The following TBC1D9 variants were observed in gnomAD, a reference collection of about 807,000 sequenced individuals.
TBC1D9 encodes the protein TBC1 domain family member 9.
A neutral mutation model predicts 132.0 loss-of-function variants in TBC1D9; 63 were observed. The ratio of observed to expected loss-of-function variants is 0.48; its 90% CI spans 0.39 to 0.59. The LOEUF is 0.59. TBC1D9 is among the 20% of genes least tolerant of loss of function. The pLI is 0.00. For missense variants in TBC1D9, 1,261 were observed against 1,592.7 expected (o/e 0.79, Z 3.54); for synonymous variants, 610 against 609.9 (o/e 1.00, Z 0.00).
At chr4:140,642,375 G>C (rs1560870384) in intron 13 of TBC1D9, 1 of 836,996 alleles carries the variant, frequency 1.2e-6, no homozygotes, top group African/African-American at 1.7e-5. Flanking sequence ...ACCTTCTCTG[G>C]AAGATTTCAG....
At chr4:140,657,848 G>GC in intron 11 of TBC1D9, 36 bp from the exon 12 acceptor site, 1 of 1,584,910 alleles carries the variant, frequency 6.3e-7, no homozygotes, top group South Asian at 1.2e-5. Context: ...GCGCAGCTTA[G>GC]CCAACTACAC....
intron 16 of TBC1D9, among the ~76,000 whole-genome samples, chr4:140,632,123 T>C (rs1159214613): frequency 1.3e-5 from 2 of 152,216 alleles, no homozygotes; most frequent in Non-Finnish European, 2.9e-5. Context: ...AAGACTCTTT[T>C]TCCTTCTTGA....
intron 1 of TBC1D9, among the ~76,000 whole-genome samples, chr4:140,712,449 A>AATATATATATATATAT (rs10530134): frequency 0.011 from 1,177 of 102,642 alleles, 99 homozygotes; most frequent in East Asian, 0.041. Context: ...AAAAAAAAAG[A>AATATATATATATATAT]ATATATATAT....
intron 2 of TBC1D9, 22 bp from the exon 3 acceptor site, chr4:140,686,484 T>C (rs1387069085): frequency 9.8e-6 from 14 of 1,426,848 alleles, no homozygotes; most frequent in Non-Finnish European, 1.4e-5. Flanking sequence ...AAAATAATAA[T>C]TCATGTCAGA....
intron 1 of TBC1D9, among the ~76,000 whole-genome samples, chr4:140,713,888 T>C (rs948399196): frequency 1.3e-5 from 2 of 152,194 alleles, no homozygotes; most frequent in Admixed American, 6.5e-5. Flanking sequence ...GCAAAAGTAA[T>C]TGCAGTTTTT....
rs190975043 is a variant in TBC1D9 at position 140,659,880 on chromosome 4, C to T, written c.1804-175G>A. On this transcript the variant is annotated intron_variant, in intron 10 of 20. Coordinates refer to ENST00000442267, the MANE Select transcript of TBC1D9 (RefSeq NM_015130.3). ...CACATAGTCTCTGTCATATATTCTT[C>T]TGAGTTTTGTTTTATGACCCTGTAA... Among the ~76,000 whole-genome samples, 355 of 152,316 alleles carry T rather than the reference C, an allele frequency of 2.3e-3. 1 individual carries two copies. The highest frequency in any genetic ancestry group is 8.4e-3 in the African/African-American group (350 of 41,566).
chr4:140,715,588 C>T (rs549849340), intron 1 of TBC1D9, among the ~76,000 whole-genome samples: 30 of 152,318 alleles, frequency 2.0e-4, no homozygotes, highest in Non-Finnish European at 3.7e-4. Flanking sequence ...TAAGAAGGTG[C>T]AAAGGCATTA....
At chr4:140,751,494 T>G (rs6834033) in intron 1 of TBC1D9, among the ~76,000 whole-genome samples, 118,312 of 152,092 alleles carry the variant, frequency 0.78, 46,876 homozygotes, top group East Asian at 0.94. Flanking sequence ...CTAGAATATA[T>G]AAGAATGTCT....
chr4:140,655,049 A>G (rs986734990), intron 13 of TBC1D9, among the ~76,000 whole-genome samples: 1 of 152,132 alleles, frequency 6.6e-6, no homozygotes, highest in Non-Finnish European at 1.5e-5. Context: ...AATATTTAAT[A>G]TATTAGGGAA....
At chr4:140,741,792 A>G (rs1738762132) in intron 1 of TBC1D9, among the ~76,000 whole-genome samples, 1 of 152,228 alleles carries the variant, frequency 6.6e-6, no homozygotes, top group African/African-American at 2.4e-5. Context: ...CTTCATCTAC[A>G]TAATAAAAAT....
At chr4:140,659,394 C>T (rs542201108) in intron 11 of TBC1D9, 194 bp downstream of exon 11, 18 of 467,164 alleles carry the variant, frequency 3.9e-5, no homozygotes, top group Admixed American at 2.8e-4. Flanking sequence ...TGTGTATAGT[C>T]CCTTAAACTC....
At chr4:140,730,042 G>A (rs1004958852) in intron 1 of TBC1D9, among the ~76,000 whole-genome samples, 10 of 152,036 alleles carry the variant, frequency 6.6e-5, no homozygotes, top group Admixed American at 2.6e-4. Flanking sequence ...GCCTTCCCCC[G>A]TATAGACTCC....
chr4:140,658,549 A>G (rs928065887), intron 11 of TBC1D9, among the ~76,000 whole-genome samples: 1 of 152,078 alleles, frequency 6.6e-6, no homozygotes, highest in African/African-American at 2.4e-5. Flanking sequence ...AAAAAAAATA[A>G]TAATAATCCC....
chr4:140,728,811 C>T (rs562937188), intron 1 of TBC1D9, among the ~76,000 whole-genome samples: 6 of 152,174 alleles, frequency 3.9e-5, no homozygotes, highest in Admixed American at 2.6e-4. Context: ...TACAGGTGTG[C>T]GCCACCCACA....
chr4:140,642,774 A>G (rs1164723548), intron 13 of TBC1D9: 14 of 637,742 alleles, frequency 2.2e-5, no homozygotes, highest in Non-Finnish European at 3.9e-5. Flanking sequence ...GTCGGCAGAG[A>G]TTTGCTGCTC....
Position 140,671,019 on chromosome 4 carries a change from A to C in TBC1D9, c.1060-93T>G, listed in dbSNP as rs1391075291. 3.8e-6 allele frequency: 4 copies of C among 1,050,020 alleles called. No homozygotes were observed. In the East Asian group the frequency reaches 9.5e-5, roughly 25 times the overall value. The allele number at this position is 1,050,020 out of a possible 1,614,324, so 65.0% of individuals were successfully genotyped here. A position where few individuals can be genotyped will look rare whatever the true frequency, so the allele number is the denominator to read the frequency against. On this transcript the variant is annotated intron_variant, in intron 6 of 20. Coordinates refer to ENST00000442267, the MANE Select transcript of TBC1D9 (RefSeq NM_015130.3). ...ACTAAAGGAGGAAGGCGGCACTTTC[A>C]TTATTCTATAGGAACCACCTATATT...
rs576462480 is a variant in TBC1D9, at chr4:140,715,247, G to A, written c.131-13633C>T. ...AAGGAAGGAGAGTATAATGAGGCAT[G>A]TCTGACCCCCCTTTCTCATCACGGC... On this transcript the variant is annotated intron_variant, in intron 1 of 20. Coordinates refer to ENST00000442267, the MANE Select transcript of TBC1D9 (RefSeq NM_015130.3). 2.1e-4 allele frequency among the ~76,000 whole-genome samples: 32 copies of A among 152,316 alleles called. 1 individual carries two copies. In the South Asian group the frequency reaches 6.2e-3, roughly 30 times the overall value.
chr4:140,641,977 G>A (rs145396899), intron 13 of TBC1D9: 2 of 568,796 alleles, frequency 3.5e-6, no homozygotes, highest in Non-Finnish European at 6.4e-6. Context: ...TGAATCTTCC[G>A]AAGAGTCGCT....
At chr4:140,649,737 G>C in intron 13 of TBC1D9, among the ~76,000 whole-genome samples, 1 of 152,226 alleles carries the variant, frequency 6.6e-6, no homozygotes, top group Non-Finnish European at 1.5e-5. Flanking sequence ...AAGAGGGTGA[G>C]GGGGGCAGAG....
Sources: allele counts gnomAD v4.1 joint callset (sites outside exome capture counted in the v4.1 genomes callset), GRCh38; gene constraint gnomAD v4.1.1; transcripts MANE v1.5; gene names NCBI Gene and HGNC (gene_info 2026-07-23, HGNC 2026-07-21).